The following OGFRL1 variants were observed in gnomAD, a reference collection of about 807,000 sequenced individuals.
OGFRL1 encodes the protein opioid growth factor receptor like 1, also known as opioid growth factor receptor-like protein 1.
A neutral mutation model predicts 32.4 loss-of-function variants in OGFRL1; 26 were observed. That is an observed-to-expected ratio of 0.80 (90% CI 0.59 to 1.11). The LOEUF (loss-of-function observed/expected upper bound fraction) is 1.11, where lower values mean the gene tolerates loss of function less well. OGFRL1 is among the 50% of genes most tolerant of loss of function. OGFRL1 has a pLI of 0.00. For synonymous variants in OGFRL1, 211 were observed against 201.2 expected (o/e 1.05, Z -0.41); for missense variants, 521 against 546.4 (o/e 0.95, Z 0.46).
chr6:71,304,273 AGT>A lies in OGFRL1; in HGVS notation c.*2225_*2226del. On this transcript the variant is annotated 3_prime_UTR_variant, in exon 7 of 7. Transcript: ENST00000370435. ...GTTTTTGCTTTCCTAGTGTTCTGTG[AGT>A]ATTAGGATTTGGCAATCTGCTTTTG... 7.1e-6 allele frequency: 1 copy of A among 141,254 alleles called. No homozygotes were observed. The highest frequency in any genetic ancestry group is 2.5e-4 in the South Asian group (1 of 3,940). The allele number at this position is 141,254 out of a possible 1,614,324, so 8.8% of individuals were successfully genotyped here.
rs772587548 is a variant in OGFRL1 at position 71,301,640 on chromosome 6, G to A, written c.947G>A (p.Arg316Gln). The change falls in exon 7 of 7, where the codon CGA becomes CAA. Residue 316 changes from arginine to glutamine, a missense_variant. Physicochemically the swap from Arg to Gln is conservative, Grantham distance 43. Transcript: ENST00000370435. ...PSENFIWGPP[R>Q]KEQSEGSKAQ... ...GAGAACTTTATCTGGGGACCGCCTC[G>A]AAAAGAACAGTCGGAGGGAAGCAAA... 16 of 1,613,976 alleles carry A rather than the reference G, an allele frequency of 9.9e-6. No homozygotes were observed. The highest frequency in any genetic ancestry group is 4.5e-5 in the East Asian group (2 of 44,894).
At chr6:71,289,665 C>T (rs773771302) in intron 1 of OGFRL1, 29 of 984,758 alleles carry the variant, frequency 2.9e-5, no homozygotes, top group Non-Finnish European at 3.5e-5. Flanking sequence ...AGTGTAGGCC[C>T]TCATCTGAAG....
rs149936579 is a variant in OGFRL1 at position 71,301,557 on chromosome 6, A to G, written c.864A>G (p.Arg288=). 2,159 of 1,614,212 alleles carry G rather than the reference A, an allele frequency of 1.3e-3. 17 individuals are homozygous for G. The highest frequency in any genetic ancestry group is 0.011 in the South Asian group (1,020 of 91,086). The change falls in exon 7 of 7, where the codon AGA becomes AGG. Residue 288 remains arginine, a synonymous_variant. Transcript: ENST00000370435. The stretch of plus-strand genomic sequence containing the variant: ...TAGAGTATTTTGTTTATACAATTAG[A>G]GACAGAAGAGAAAGGAGAAAGCTCC... ...SALEYFVYTI[R]DRRERRKLLR...
In OGFRL1 at chr6:71,302,148, C is replaced by T; in HGVS notation, c.*99C>T. On this transcript the variant is annotated 3_prime_UTR_variant, in exon 7 of 7. Coordinates refer to ENST00000370435, the MANE Select transcript of OGFRL1 (RefSeq NM_024576.5). ...AGATGAGGTCAATTTCAAATTTTAG[C>T]CATCTGTTTGTGATTTCTGTCATAA... The T allele has an allele frequency of 9.2e-7, 1 of 1,085,704 alleles. No individual in the cohort carries two copies. The highest frequency in any genetic ancestry group is 1.3e-6 in the Non-Finnish European group (1 of 799,310). 67.3% of individuals were successfully genotyped at this position (1,085,704 alleles called of 1,614,324 possible). A position where few individuals can be genotyped will look rare whatever the true frequency, so the allele number is the denominator to read the frequency against.
In OGFRL1 at chr6:71,308,856, A is replaced by G. The variant is rs1418913091; in HGVS notation, c.*6807A>G. On this transcript the variant is annotated 3_prime_UTR_variant, in exon 7 of 7. Coordinates refer to ENST00000370435, the MANE Select transcript of OGFRL1 (RefSeq NM_024576.5). The stretch of plus-strand genomic sequence containing the variant: ...AAATATACATCCTGTAAAACTAATA[A>G]AAGCCACTCCATCTTAGATAACATT... 1 of 152,206 alleles carries G rather than the reference A, an allele frequency of 6.6e-6. No homozygotes were observed. Among genetic ancestry groups the G allele is most frequent in the Non-Finnish European group, 1.5e-5 (1 of 68,026 alleles). The allele number at this position is 152,206 out of a possible 1,614,324, so 9.4% of individuals were successfully genotyped here.
rs1254613997 is a variant in OGFRL1, at chr6:71,308,791, T to TA, written c.*6743dup. On this transcript the variant is annotated 3_prime_UTR_variant, in exon 7 of 7. Coordinates refer to ENST00000370435, the MANE Select transcript of OGFRL1 (RefSeq NM_024576.5). ...AATATTGTTTCTAAAATAATAGAGTTAGAGTTCCTTTTGAGTAATTATTTT... is the reference window on the plus strand; with the variant it reads ...AATATTGTTTCTAAAATAATAGAGTTAAGAGTTCCTTTTGAGTAATTATTTT... 1 of 152,228 alleles carries TA rather than the reference T, an allele frequency of 6.6e-6. No homozygotes were observed. Among genetic ancestry groups the TA allele is most frequent in the East Asian group, 1.9e-4 (1 of 5,206 alleles). The allele number at this position is 152,228 out of a possible 1,614,324, so 9.4% of individuals were successfully genotyped here.
chr6:71,294,368 G>C (rs1472933993), intron 3 of OGFRL1, among the ~76,000 whole-genome samples: 1 of 152,176 alleles, frequency 6.6e-6, no homozygotes, highest in Admixed American at 6.5e-5. Context: ...TCTGTGTGAG[G>C]TGGTCAGACT....
chr6:71,293,090 A>G (rs185854162), intron 1 of OGFRL1, among the ~76,000 whole-genome samples: 3 of 152,324 alleles, frequency 2.0e-5, no homozygotes, highest in Non-Finnish European at 4.4e-5. Context: ...GACAAATGTT[A>G]TTGGTTCAAA....
In OGFRL1 at chr6:71,303,271, A is replaced by G. The variant is rs760136673; in HGVS notation, c.*1222A>G. ...ACTTGAGCATTCCTAGATTTTGGTAACTGCAGAGGGTCCTGGAACCAACCC... is the reference window on the plus strand; with the variant it reads ...ACTTGAGCATTCCTAGATTTTGGTAGCTGCAGAGGGTCCTGGAACCAACCC... On this transcript the variant is annotated 3_prime_UTR_variant, in exon 7 of 7. Transcript: ENST00000370435. The G allele has an allele frequency of 6.6e-5, 10 of 152,206 alleles. No homozygotes were observed. The highest frequency in any genetic ancestry group is 1.5e-4 in the Non-Finnish European group (10 of 68,036). 9.4% of individuals were successfully genotyped at this position (152,206 alleles called of 1,614,324 possible).
Position 71,308,936 on chromosome 6 carries a change from A to C in OGFRL1, c.*6887A>C, listed in dbSNP as rs1225591298. On this transcript the variant is annotated 3_prime_UTR_variant, in exon 7 of 7. Coordinates refer to ENST00000370435, the MANE Select transcript of OGFRL1 (RefSeq NM_024576.5). ...ATTTTGCACGATTAAAATATTTTTA[A>C]AGAACTAGAAAAAATGACTTGCTGT... 6.6e-6 allele frequency: 1 copy of C among 152,212 alleles called. No homozygotes were observed. The allele number at this position is 152,212 out of a possible 1,614,324, so 9.4% of individuals were successfully genotyped here. A position where few individuals can be genotyped will look rare whatever the true frequency, so the allele number is the denominator to read the frequency against.
In OGFRL1 at chr6:71,301,400, A is replaced by G. The variant is rs1170413698; in HGVS notation, c.707A>G (p.Tyr236Cys). 1.3e-6 allele frequency: 2 copies of G among 1,584,006 alleles called. No homozygotes were observed. Among genetic ancestry groups the G allele is most frequent in the Non-Finnish European group, 1.7e-6 (2 of 1,167,776 alleles). ...CTCTCTTCCAGGTCCCAGCACAACT[A>G]TTTAAGAATCACTCGTATTCTTAAA... ...FQHLNESQHN[Y>C]LRITRILKSL... is the part of the protein sequence containing the mutation. Residue 236 changes from tyrosine to cysteine, a missense_variant, in exon 7 of 7, where the codon TAT (tyrosine) becomes TGT (cysteine). Coordinates refer to ENST00000370435, the MANE Select transcript of OGFRL1 (RefSeq NM_024576.5).
Position 71,307,748 on chromosome 6 carries a change from C to T in OGFRL1, c.*5699C>T, listed in dbSNP as rs969943575. The T allele has an allele frequency of 4.6e-5, 7 of 152,074 alleles. No homozygotes were observed. Among genetic ancestry groups the T allele is most frequent in the African/African-American group, 4.8e-5 (2 of 41,418 alleles). The allele number at this position is 152,074 out of a possible 1,614,324, so 9.4% of individuals were successfully genotyped here. On this transcript the variant is annotated 3_prime_UTR_variant, in exon 7 of 7. Coordinates refer to ENST00000370435, the MANE Select transcript of OGFRL1 (RefSeq NM_024576.5). ...TATAATAAGTTTTGGTACTAAGAAA[C>T]ATTTACATTCTACACTCATTAGTCA...
chr6:71,307,364 T>A lies in OGFRL1; in HGVS notation c.*5315T>A, dbSNP rs1445056043. ...ACTCCATACACAATTTTGATGGGTATCAGTTCTCATAAAATACCTGCTACA... is the reference window on the plus strand; with the variant it reads ...ACTCCATACACAATTTTGATGGGTAACAGTTCTCATAAAATACCTGCTACA... On this transcript the variant is annotated 3_prime_UTR_variant, in exon 7 of 7. Transcript: ENST00000370435. The A allele has an allele frequency of 6.6e-6, 1 of 152,194 alleles. No individual in the cohort carries two copies. Among genetic ancestry groups the A allele is most frequent in the Non-Finnish European group, 1.5e-5 (1 of 68,034 alleles). 9.4% of individuals were successfully genotyped at this position (152,194 alleles called of 1,614,324 possible).
Position 71,301,555 on chromosome 6 carries a change from A to G in OGFRL1, c.862A>G (p.Arg288Gly). 6.2e-7 allele frequency: 1 copy of G among 1,614,208 alleles called. No individual in the cohort carries two copies. Among genetic ancestry groups the G allele is most frequent in the East Asian group, 2.2e-5 (1 of 44,888 alleles). Residue 288 changes from arginine (R) to glycine (G), a missense_variant, in exon 7 of 7, where the codon AGA (arginine) becomes GGA (glycine). Transcript: ENST00000370435. ...TCTAGAGTATTTTGTTTATACAATT[A>G]GAGACAGAAGAGAAAGGAGAAAGCT... Reference protein sequence around the residue: ...SALEYFVYTIRDRRERRKLLR... With the variant: ...SALEYFVYTIGDRRERRKLLR...
intron 6 of OGFRL1, among the ~76,000 whole-genome samples, chr6:71,297,631 T>C (rs1424528759): frequency 1.3e-5 from 2 of 152,044 alleles, no homozygotes; most frequent in African/African-American, 4.8e-5. Flanking sequence ...TTAAGCATAT[T>C]ATAATTAGCT....
Position 71,303,612 on chromosome 6 carries a change from A to C in OGFRL1, c.*1563A>C, listed in dbSNP as rs1229383524. The C allele has an allele frequency of 1.3e-5, 2 of 152,210 alleles. No homozygotes were observed. The highest frequency in any genetic ancestry group is 4.8e-5 in the African/African-American group (2 of 41,454). The allele number at this position is 152,210 out of a possible 1,614,324, so 9.4% of individuals were successfully genotyped here. A position where few individuals can be genotyped will look rare whatever the true frequency, so the allele number is the denominator to read the frequency against. On this transcript the variant is annotated 3_prime_UTR_variant, in exon 7 of 7. Coordinates refer to ENST00000370435, the MANE Select transcript of OGFRL1 (RefSeq NM_024576.5). ...CAAGACAGTAGTCCCTTAAACCATG[A>C]ATATGTCAGTGTTCTATGGATTACG... is the stretch of plus-strand genomic sequence containing the variant.
At chr6:71,301,357 C>G (rs1766379279) in intron 6 of OGFRL1, 29 bp from the exon 7 acceptor site, 1 of 1,508,980 alleles carries the variant, frequency 6.6e-7, no homozygotes, top group Non-Finnish European at 8.9e-7. Flanking sequence ...TGATTTCCCC[C>G]ACTCATTTTA....
rs1214755224 is a variant in OGFRL1 at position 71,302,248 on chromosome 6, C to CTT, written c.*199_*200insTT. The CTT allele has an allele frequency of 5.8e-5, 24 of 413,678 alleles. No individual in the cohort carries two copies. The highest frequency in any genetic ancestry group is 9.7e-5 in the Non-Finnish European group (23 of 238,216). 25.6% of individuals were successfully genotyped at this position (413,678 alleles called of 1,614,324 possible). A position where few individuals can be genotyped will look rare whatever the true frequency, so the allele number is the denominator to read the frequency against. ...TAATAAGGAGATTTAAGATAAGACC[C>CTT]AATAAATGAATGTATTCTGTAATGC... On this transcript the variant is annotated 3_prime_UTR_variant, in exon 7 of 7. Coordinates refer to ENST00000370435, the MANE Select transcript of OGFRL1 (RefSeq NM_024576.5).
intron 1 of OGFRL1, chr6:71,289,548 T>TAAAAAAAAAAAA (rs1158690810): frequency 8.9e-5 from 48 of 541,814 alleles, no homozygotes; most frequent in African/African-American, 6.7e-4. Flanking sequence ...GTGTTATTGG[T>TAAAAAAAAAAAA]AAAAAAAAAA....
Sources: allele counts gnomAD v4.1 joint callset (sites outside exome capture counted in the v4.1 genomes callset), GRCh38; gene constraint gnomAD v4.1.1; transcripts MANE v1.5; gene names NCBI Gene and HGNC (gene_info 2026-07-23, HGNC 2026-07-21).